Variants in ASTN2 observed in about 807,000 individuals in gnomAD.
ASTN2 encodes the protein astrotactin 2, also known as astrotactin-2.
In ASTN2, 54 loss-of-function variants were observed where a neutral mutation model predicts 139.8. That is an observed-to-expected ratio of 0.39 (90% confidence interval 0.31 to 0.48). ASTN2 has a LOEUF of 0.48. ASTN2 is among the 20% of genes least tolerant of loss of function. The probability of loss-of-function intolerance (pLI) is 0.95; values close to 1 mark genes in which losing one functional copy is unlikely to be tolerated. For missense variants in ASTN2, 1,565 were observed against 1,725.1 expected (o/e 0.91, Z 1.64); for synonymous variants, 756 against 719.5 (o/e 1.05, Z -0.81).
chr9:116,673,949 C>T (rs569147919), intron 16 of ASTN2, among the ~76,000 whole-genome samples: 1 of 152,322 alleles, frequency 6.6e-6, no homozygotes, highest in East Asian at 1.9e-4. Flanking sequence ...AACCTCCATG[C>T]TGTCCTTGTT....
chr9:117,394,833 T>C (rs903163268), intron 1 of ASTN2, among the ~76,000 whole-genome samples: 8 of 152,124 alleles, frequency 5.3e-5, no homozygotes, highest in African/African-American at 1.9e-4. Flanking sequence ...GGGAATTTAC[T>C]CTTAATCCTG....
intron 19 of ASTN2, among the ~76,000 whole-genome samples, chr9:116,556,306 C>A (rs1852613285): frequency 6.6e-6 from 1 of 152,004 alleles, no homozygotes; most frequent in South Asian, 2.1e-4. Context: ...GAGGAGAGGT[C>A]CTACATCCAT....
At chr9:116,953,598 T>C (rs1564358100) in intron 10 of ASTN2, among the ~76,000 whole-genome samples, 1 of 152,230 alleles carries the variant, frequency 6.6e-6, no homozygotes, top group Non-Finnish European at 1.5e-5. Context: ...ACAGGTTTCA[T>C]TGTCCTCTAG....
chr9:116,522,916 T>TA (rs1035128452), intron 19 of ASTN2, among the ~76,000 whole-genome samples: 11 of 152,004 alleles, frequency 7.2e-5, no homozygotes, highest in African/African-American at 2.7e-4. Flanking sequence ...TAACTATGAA[T>TA]AAAAAAATAA....
intron 19 of ASTN2, among the ~76,000 whole-genome samples, chr9:116,548,624 C>A (rs886297622): frequency 6.6e-6 from 1 of 152,122 alleles, no homozygotes; most frequent in African/African-American, 2.4e-5. Context: ...AGGTGCCCCC[C>A]ACTATGCTCG....
At chr9:116,662,430 G>T (rs1443836396) in intron 16 of ASTN2, among the ~76,000 whole-genome samples, 1 of 152,008 alleles carries the variant, frequency 6.6e-6, no homozygotes. Flanking sequence ...AAAGTTAGCT[G>T]GGTGTGGTGG....
chr9:117,342,180 C>G (rs1377824981), intron 1 of ASTN2, among the ~76,000 whole-genome samples: 1 of 152,104 alleles, frequency 6.6e-6, no homozygotes, highest in Non-Finnish European at 1.5e-5. Context: ...ACAAAGGCAT[C>G]CTGGGTCTGT....
intron 11 of ASTN2, among the ~76,000 whole-genome samples, chr9:116,824,882 C>T (rs1831582572): frequency 6.6e-6 from 1 of 151,990 alleles, no homozygotes; most frequent in South Asian, 2.1e-4. Context: ...ATAGAACAAA[C>T]ATAAAAAAGT....
chr9:116,526,550 G>T (rs1269138451), intron 19 of ASTN2, among the ~76,000 whole-genome samples: 1 of 151,504 alleles, frequency 6.6e-6, no homozygotes, highest in Non-Finnish European at 1.5e-5. Flanking sequence ...TGAACCCAGG[G>T]GTCAGAAGTT....
chr9:117,182,900 A>T (rs1282439167), intron 3 of ASTN2, among the ~76,000 whole-genome samples: 3 of 152,158 alleles, frequency 2.0e-5, no homozygotes, highest in African/African-American at 7.2e-5. Context: ...CCTCATATTG[A>T]AACATCACGT....
At chr9:116,891,656 C>T (rs1833764464) in intron 10 of ASTN2, among the ~76,000 whole-genome samples, 1 of 152,204 alleles carries the variant, frequency 6.6e-6, no homozygotes, top group South Asian at 2.1e-4. Context: ...ACTTGATGAA[C>T]TTAACATTTG....
chr9:117,156,985 C>A (rs1830446775), intron 3 of ASTN2, among the ~76,000 whole-genome samples: 1 of 152,008 alleles, frequency 6.6e-6, no homozygotes, highest in African/African-American at 2.4e-5. Flanking sequence ...CCAGCACATA[C>A]ACACAGACAT....
Position 116,651,663 on chromosome 9 carries a change from C to T in ASTN2, c.2937G>A (p.Glu979=). The change falls in exon 17 of 23, where the codon GAG becomes GAA. Residue 979 remains glutamate, a synonymous_variant. Coordinates refer to ENST00000313400, the MANE Select transcript of ASTN2 (RefSeq NM_001365068.1). ...LISGVEIRCE[E]KGRCPSTCHL... ...GACAGGTAGATGGACAGCGCCCCTT[C>T]TCCTCACAGCGAATCTCCACACCTG... 1.2e-6 allele frequency: 2 copies of T among 1,614,140 alleles called. No homozygotes were observed. Among genetic ancestry groups the T allele is most frequent in the Non-Finnish European group, 1.7e-6 (2 of 1,180,038 alleles).
intron 20 of ASTN2, among the ~76,000 whole-genome samples, chr9:116,470,203 C>T (rs1175484112): frequency 6.6e-6 from 1 of 151,474 alleles, no homozygotes; most frequent in African/African-American, 2.4e-5. Context: ...GACACCATAT[C>T]AAAAATAAAA....
chr9:116,572,180 GC>G (rs1853546326), intron 19 of ASTN2, among the ~76,000 whole-genome samples: 1 of 152,138 alleles, frequency 6.6e-6, no homozygotes. Context: ...CCCTTCGGGT[GC>G]CCCAGCCTCT....
At chr9:117,235,968 T>A (rs1306077324) in intron 2 of ASTN2, among the ~76,000 whole-genome samples, 1 of 152,196 alleles carries the variant, frequency 6.6e-6, no homozygotes, top group Admixed American at 6.5e-5. Context: ...TTCAGAGAAC[T>A]AAAGGCAGGT....
chr9:116,823,622 C>T (rs1408659296), intron 11 of ASTN2, among the ~76,000 whole-genome samples: 1 of 152,182 alleles, frequency 6.6e-6, no homozygotes, highest in African/African-American at 2.4e-5. Flanking sequence ...TGTTCTCTGT[C>T]CACTACACTC....
At chr9:116,542,331 T>C (rs1478628611) in intron 19 of ASTN2, among the ~76,000 whole-genome samples, 1 of 152,240 alleles carries the variant, frequency 6.6e-6, no homozygotes, top group Non-Finnish European at 1.5e-5. Context: ...CATAAACTTT[T>C]AGTGGTTTAT....
chr9:117,284,019 T>C (rs556393834), intron 2 of ASTN2, among the ~76,000 whole-genome samples: 2 of 152,308 alleles, frequency 1.3e-5, no homozygotes, highest in South Asian at 2.1e-4. Flanking sequence ...TTGTTTTCAG[T>C]TGAATTGGGT....
Sources: gnomAD v4.1 joint callset for allele counts (sites outside exome capture counted in the v4.1 genomes callset) on GRCh38, gnomAD v4.1.1 for gene constraint, MANE v1.5 for transcripts, NCBI Gene and HGNC (gene_info 2026-07-23, HGNC 2026-07-21) for gene names.